The following FREM2 variants were observed in gnomAD, a reference collection of about 807,000 sequenced individuals.
The protein encoded by FREM2 is FRAS1-related extracellular matrix protein 2.
A neutral mutation model predicts 219.9 loss-of-function variants in FREM2; 119 were observed. The observed-to-expected ratio is 0.54, with a 90% confidence interval of 0.47 to 0.63. FREM2 has a LOEUF of 0.63. Among genes scored for constraint, FREM2 ranks in the 30% least tolerant of loss-of-function variants. FREM2 has a pLI of 0.00. For synonymous variants in FREM2, 1,562 were observed against 1,522.8 expected (o/e 1.03, Z -0.60); for missense variants, 4,030 against 3,993.6 (o/e 1.01, Z -0.25).
chr13:38,856,286 T>C, intron 12 of FREM2, 30 bp downstream of exon 12: 2 of 1,602,904 alleles, frequency 1.2e-6, no homozygotes, highest in Non-Finnish European at 8.5e-7. Flanking sequence ...TGTAAATTCA[T>C]GGCTAGCAGT....
intron 4 of FREM2, among the ~76,000 whole-genome samples, chr13:38,781,871 G>A (rs1874130966): frequency 6.6e-6 from 1 of 152,170 alleles, no homozygotes; most frequent in South Asian, 2.1e-4. Flanking sequence ...CCCAGAGAGT[G>A]AGCTAGGCCC....
Position 38,846,710 on chromosome 13 carries a change from C to A in FREM2, c.6157C>A (p.Pro2053Thr). ...VTVRSRKTDP[P>T]SADAGTDYVG... ...AGTGAGGTCTCGGAAAACAGATCCT[C>A]CCTCTGCAGATGGTGAGCAGTTTCC... Residue 2053 changes from proline to threonine, a missense_variant, in exon 7 of 24, where the codon CCC (proline) becomes ACC (threonine). Pro to Thr is a conservative substitution (Grantham distance 38). Around this residue, in one of 2 missense-constraint regions of FREM2, gnomAD observed 3,102 missense variants for 2,950.7 expected, o/e 1.05. Coordinates refer to ENST00000280481, the MANE Select transcript of FREM2 (RefSeq NM_207361.6). 1 of 1,613,692 alleles carries A rather than the reference C, an allele frequency of 6.2e-7. No individual in the cohort carries two copies. Among genetic ancestry groups the A allele is most frequent in the South Asian group, 1.1e-5 (1 of 91,072 alleles).
chr13:38,806,165 C>T (rs1233382339), intron 6 of FREM2, among the ~76,000 whole-genome samples: 4 of 151,864 alleles, frequency 2.6e-5, no homozygotes, highest in African/African-American at 9.7e-5. Flanking sequence ...AGAAGAGAGA[C>T]TTCTCCATGT....
At position 38,880,314 on chromosome 13, in the gene FREM2, A is replaced by G; in HGVS notation, c.9037A>G (p.Thr3013Ala). The G allele has an allele frequency of 1.2e-6, 2 of 1,613,904 alleles. No individual in the cohort carries two copies. The highest frequency in any genetic ancestry group is 8.5e-7 in the Non-Finnish European group (1 of 1,179,842). ...TCTAGGCCGAGAATGGTATATACATACGATCTATACAGTGAGATCGAAAGA... is the reference window on the plus strand; with the variant it reads ...TCTAGGCCGAGAATGGTATATACATGCGATCTATACAGTGAGATCGAAAGA... ...VALGREWYIH[T>A]IYTVRSKDNA... The change falls in exon 24 of 24, where the codon ACG (threonine) becomes GCG (alanine). Residue 3013 changes from threonine to alanine, a missense_variant. Around this residue, in one of 2 missense-constraint regions of FREM2, gnomAD observed 928 missense variants for 1,042.9 expected, o/e 0.89. Transcript: ENST00000280481.
At position 38,799,776 on chromosome 13, in the gene FREM2, A is replaced by G. The variant is rs192446364; in HGVS notation, c.6019+14968A>G. On this transcript the variant is annotated intron_variant, in intron 6 of 23. Transcript: ENST00000280481. ...TGACTTAAAGTCTGTTTTACCTAATATAAGTATACCTACTCTTATTTTATT... is the reference window on the plus strand; with the variant it reads ...TGACTTAAAGTCTGTTTTACCTAATGTAAGTATACCTACTCTTATTTTATT... Among the ~76,000 whole-genome samples the G allele has an allele frequency of 1.0e-3, 156 of 152,100 alleles. 1 individual carries two copies. Among genetic ancestry groups the G allele is most frequent in the Admixed American group, 1.5e-3 (23 of 15,284 alleles).
chr13:38,731,975 T>C (rs1002152950), intron 2 of FREM2, among the ~76,000 whole-genome samples: 6 of 152,240 alleles, frequency 3.9e-5, no homozygotes, highest in African/African-American at 1.4e-4. Context: ...ATTCTGAATT[T>C]TCATCTTGAG....
chr13:38,839,891 C>A (rs758837912), intron 6 of FREM2, among the ~76,000 whole-genome samples: 1 of 152,208 alleles, frequency 6.6e-6, no homozygotes, highest in Non-Finnish European at 1.5e-5. Flanking sequence ...GCCTGCTGGG[C>A]TCCATGGGGG....
intron 6 of FREM2, among the ~76,000 whole-genome samples, chr13:38,836,045 C>A (rs1316810502): frequency 3.3e-5 from 5 of 152,244 alleles, no homozygotes; most frequent in African/African-American, 1.2e-4. Flanking sequence ...ATGCTTCCAG[C>A]TTTTGCCCAT....
At chr13:38,840,570 A>G (rs1876910665) in intron 6 of FREM2, among the ~76,000 whole-genome samples, 1 of 151,042 alleles carries the variant, frequency 6.6e-6, no homozygotes, top group East Asian at 2.0e-4. Flanking sequence ...TGTAAGGTAT[A>G]GAATCACAGA....
At position 38,834,185 on chromosome 13, in the gene FREM2, T is replaced by C. The variant is rs558254738; in HGVS notation, c.6020-12388T>C. ...CCTCCCCTTGATCCCCACCCCCCAA[T>C]AGGCCCCAGTGTGTGATGTTCCCCT... On this transcript the variant is annotated intron_variant, in intron 6 of 23. Transcript: ENST00000280481. Among the ~76,000 whole-genome samples, 5 of 144,152 alleles carry C rather than the reference T, an allele frequency of 3.5e-5. No individual in the cohort carries two copies. In the South Asian group the frequency reaches 1.2e-3, roughly 35 times the overall value. 94.6% of individuals were successfully genotyped at this position (144,152 alleles called of 152,430 possible). A position where few individuals can be genotyped will look rare whatever the true frequency, so the allele number is the denominator to read the frequency against.
intron 2 of FREM2, among the ~76,000 whole-genome samples, chr13:38,715,388 T>C (rs556081513): frequency 6.6e-6 from 1 of 152,282 alleles, no homozygotes; most frequent in South Asian, 2.1e-4. Context: ...AAACGAAAAG[T>C]GGACTCTCTC....
rs778107299 is a variant in FREM2 at position 38,688,910 on chromosome 13, T to C, written c.1566T>C (p.Asp522=). The C allele has an allele frequency of 1.4e-5, 23 of 1,612,906 alleles. No individual in the cohort carries two copies. The highest frequency in any genetic ancestry group is 1.9e-5 in the Non-Finnish European group (23 of 1,179,486). The change falls in exon 1 of 24, where the codon GAT becomes GAC. Residue 522 remains aspartate, a synonymous_variant. Transcript: ENST00000280481. ...CCGGCCAGGTGGTCTACCAGCATGATGACAGAGACGGCTCGCTGAGCGACA... is the reference window on the plus strand; with the variant it reads ...CCGGCCAGGTGGTCTACCAGCATGACGACAGAGACGGCTCGCTGAGCGACA... The part of the protein sequence containing the change: ...LAAGQVVYQH[D]DRDGSLSDNL...
intron 15 of FREM2, among the ~76,000 whole-genome samples, chr13:38,863,121 C>T (rs1027866915): frequency 6.6e-6 from 1 of 152,164 alleles, no homozygotes; most frequent in Admixed American, 6.5e-5. Flanking sequence ...GCGATCTCAG[C>T]TCACTGCAAC....
At chr13:38,695,411 CA>C (rs1870068635) in intron 1 of FREM2, among the ~76,000 whole-genome samples, 1 of 152,066 alleles carries the variant, frequency 6.6e-6, no homozygotes, top group Admixed American at 6.6e-5. Context: ...CATATAGTTG[CA>C]TTTATGTTTT....
At chr13:38,738,824 G>A (rs1872113802) in intron 2 of FREM2, among the ~76,000 whole-genome samples, 1 of 152,008 alleles carries the variant, frequency 6.6e-6, no homozygotes, top group South Asian at 2.1e-4. Flanking sequence ...GAAGGAAATG[G>A]AAATGAGACA....
At chr13:38,853,112 G>A (rs1011997254) in intron 11 of FREM2, among the ~76,000 whole-genome samples, 2 of 151,848 alleles carry the variant, frequency 1.3e-5, no homozygotes, top group Admixed American at 6.6e-5. Flanking sequence ...TGGATCACCT[G>A]AGGTCAGGAG....
chr13:38,743,859 T>G (rs1330998047), intron 2 of FREM2, among the ~76,000 whole-genome samples: 1 of 152,226 alleles, frequency 6.6e-6, no homozygotes, highest in Non-Finnish European at 1.5e-5. Context: ...CTATAATATC[T>G]ACTCTCAGTG....
intron 2 of FREM2, among the ~76,000 whole-genome samples, chr13:38,743,128 C>T (rs967625499): frequency 2.0e-5 from 3 of 152,102 alleles, no homozygotes; most frequent in African/African-American, 7.2e-5. Flanking sequence ...GACAGGCAAG[C>T]CCCAATGTGA....
At chr13:38,827,370 A>G (rs931300238) in intron 6 of FREM2, 2 of 152,132 alleles carry the variant, frequency 1.3e-5, no homozygotes, top group Admixed American at 1.3e-4. Flanking sequence ...TAATATTAAT[A>G]TTACATTAAC....
Sources: gnomAD v4.1 joint callset for allele counts (sites outside exome capture counted in the v4.1 genomes callset) on GRCh38, gnomAD v4.1.1 for gene constraint, gnomAD v4.1.1 regional missense constraint, MANE v1.5 for transcripts, NCBI Gene and HGNC (gene_info 2026-07-23, HGNC 2026-07-21) for gene names.